Variants in KAZN observed in about 807,000 individuals in gnomAD.
The protein encoded by KAZN is kazrin.
KAZN carries 40 observed loss-of-function variants against 87.4 expected under a neutral mutation model. The ratio of observed to expected loss-of-function variants is 0.46; its 90% CI spans 0.36 to 0.60. The LOEUF is 0.60. Ranked by LOEUF, KAZN falls within the 20% of genes least tolerant of loss-of-function variation. KAZN has a pLI of 0.00. For synonymous variants in KAZN, 466 were observed against 458.3 expected (o/e 1.02, Z -0.22); for missense variants, 898 against 1,073.9 (o/e 0.84, Z 2.29).
At chr1:14,367,051 G>A (rs1660059041) in intron 2 of KAZN, among the ~76,000 whole-genome samples, 2 of 152,200 alleles carry the variant, frequency 1.3e-5, no homozygotes, top group African/African-American at 4.8e-5. Context: ...CCAACATGGT[G>A]AAACCCTGTC....
intron 1 of KAZN, among the ~76,000 whole-genome samples, chr1:14,665,812 G>A (rs964305021): frequency 4.0e-5 from 6 of 151,566 alleles, no homozygotes; most frequent in African/African-American, 7.3e-5. Context: ...TAAAGCACAC[G>A]GCTGCCTAGT....
At chr1:14,044,852 A>C (rs919285348) in intron 1 of KAZN, among the ~76,000 whole-genome samples, 1 of 152,174 alleles carries the variant, frequency 6.6e-6, no homozygotes, top group Non-Finnish European at 1.5e-5. Flanking sequence ...ATAAGATGTG[A>C]CAGAAATGAT....
chr1:13,908,603 C>T (rs1015778061), intron 1 of KAZN, among the ~76,000 whole-genome samples: 7 of 152,194 alleles, frequency 4.6e-5, no homozygotes, highest in African/African-American at 1.7e-4. Flanking sequence ...CAGATGGCAG[C>T]CAGCAGAGAC....
At chr1:14,619,830 A>G (rs1263720526) in intron 1 of KAZN, among the ~76,000 whole-genome samples, 4 of 152,204 alleles carry the variant, frequency 2.6e-5, no homozygotes, top group Admixed American at 2.6e-4. Context: ...TAGCATGATG[A>G]TTTTAAGACT....
intron 2 of KAZN, among the ~76,000 whole-genome samples, chr1:14,251,634 T>C (rs957476875): frequency 2.8e-5 from 4 of 140,662 alleles, no homozygotes; most frequent in African/African-American, 1.1e-4. Context: ...AGTGAAAAGT[T>C]CTCCCGGACT....
At chr1:14,052,194 C>G (rs552921767) in intron 1 of KAZN, among the ~76,000 whole-genome samples, 41 of 152,326 alleles carry the variant, frequency 2.7e-4, no homozygotes, top group African/African-American at 8.9e-4. Context: ...CTGAGTCCCC[C>G]CAACCCAGCC....
intron 1 of KAZN, among the ~76,000 whole-genome samples, chr1:14,941,067 C>T (rs1206940486): frequency 4.0e-5 from 6 of 151,852 alleles, no homozygotes; most frequent in Non-Finnish European, 7.4e-5. Context: ...AGGCGAGCGC[C>T]GCCACACCCA....
chr1:14,521,982 A>G (rs1466983141), intron 2 of KAZN, among the ~76,000 whole-genome samples: 1 of 152,220 alleles, frequency 6.6e-6, no homozygotes, highest in Non-Finnish European at 1.5e-5. Context: ...TTTTGAGATT[A>G]CTAATATACA....
intron 2 of KAZN, among the ~76,000 whole-genome samples, chr1:14,313,192 G>A (rs955821347): frequency 1.3e-5 from 2 of 152,094 alleles, no homozygotes; most frequent in African/African-American, 4.8e-5. Context: ...CAGAAGCTGT[G>A]CTCTATACTT....
chr1:14,047,630 G>C (rs113844020), intron 1 of KAZN, among the ~76,000 whole-genome samples: 1 of 152,192 alleles, frequency 6.6e-6, no homozygotes, highest in Non-Finnish European at 1.5e-5. Flanking sequence ...CACTTTGGGA[G>C]GCCAGGGTGG....
At chr1:15,051,032 G>A (rs1674345842) in intron 4 of KAZN, among the ~76,000 whole-genome samples, 1 of 152,254 alleles carries the variant, frequency 6.6e-6, no homozygotes, top group Non-Finnish European at 1.5e-5. Flanking sequence ...ACGGGAAGAA[G>A]GTGGCCTTGT....
At chr1:14,097,859 A>G (rs1644162906) in intron 1 of KAZN, among the ~76,000 whole-genome samples, 2 of 152,194 alleles carry the variant, frequency 1.3e-5, no homozygotes, top group African/African-American at 4.8e-5. Flanking sequence ...TCAGTTCCCC[A>G]GATGAGCCCA....
At chr1:14,699,693 G>A (rs1050826684) in intron 1 of KAZN, among the ~76,000 whole-genome samples, 7 of 152,230 alleles carry the variant, frequency 4.6e-5, no homozygotes, top group Admixed American at 1.3e-4. Flanking sequence ...GCCGAACCAT[G>A]CATGACAAGA....
intron 2 of KAZN, among the ~76,000 whole-genome samples, chr1:14,405,663 G>C (rs1303497459): frequency 1.3e-5 from 2 of 149,752 alleles, no homozygotes; most frequent in African/African-American, 5.0e-5. Context: ...CAGAGAGAGA[G>C]ATTTATTATA....
chr1:14,763,701 C>G (rs757704652), intron 1 of KAZN, among the ~76,000 whole-genome samples: 1 of 152,130 alleles, frequency 6.6e-6, no homozygotes, highest in Non-Finnish European at 1.5e-5. Flanking sequence ...CAATTATGAT[C>G]CTTTGCCTAA....
At chr1:14,751,831 C>A (rs1478630316) in intron 1 of KAZN, among the ~76,000 whole-genome samples, 1 of 152,186 alleles carries the variant, frequency 6.6e-6, no homozygotes, top group Non-Finnish European at 1.5e-5. Flanking sequence ...AGGATCCTTC[C>A]CTATAGATAT....
intron 2 of KAZN, among the ~76,000 whole-genome samples, chr1:14,260,415 G>A (rs1650919259): frequency 6.6e-6 from 1 of 152,210 alleles, no homozygotes; most frequent in South Asian, 2.1e-4. Flanking sequence ...GAGCACTGCA[G>A]ATGGAGAGAA....
intron 2 of KAZN, among the ~76,000 whole-genome samples, chr1:14,355,333 AAC>A (rs987382418): frequency 1.3e-5 from 2 of 152,160 alleles, no homozygotes; most frequent in Non-Finnish European, 2.9e-5. Context: ...ATACCTGAAT[AAC>A]ACAGTAATCA....
At chr1:14,306,491 C>T (rs1654939265) in intron 2 of KAZN, among the ~76,000 whole-genome samples, 2 of 152,182 alleles carry the variant, frequency 1.3e-5, no homozygotes, top group African/African-American at 2.4e-5. Context: ...AGTGGGCTTT[C>T]TCTCCCTTTG....
Sources: gnomAD v4.1 joint callset for allele counts (sites outside exome capture counted in the v4.1 genomes callset) on GRCh38, gnomAD v4.1.1 for gene constraint, MANE v1.5 for transcripts, NCBI Gene and HGNC (gene_info 2026-07-23, HGNC 2026-07-21) for gene names.